The following BTLA variants were observed in gnomAD, a reference collection of about 807,000 sequenced individuals.
BTLA encodes B and T lymphocyte associated.
A neutral mutation model predicts 25.0 loss-of-function variants in BTLA; 11 were observed. The ratio of observed to expected loss-of-function variants is 0.44; its 90% CI spans 0.28 to 0.73. BTLA has a LOEUF of 0.73. Ranked by LOEUF, BTLA falls within the 30% of genes least tolerant of loss-of-function variation. The pLI is 0.15. For synonymous variants in BTLA, 104 were observed against 119.8 expected (o/e 0.87, Z 0.86); for missense variants, 282 against 332.8 (o/e 0.85, Z 1.19).
intron 1 of BTLA, among the ~76,000 whole-genome samples, chr3:112,481,464 C>T (rs1462243540): frequency 6.6e-6 from 1 of 152,216 alleles, no homozygotes; most frequent in Non-Finnish European, 1.5e-5. Flanking sequence ...TCACTTGAGC[C>T]ATGGCTGGAG....
chr3:112,483,476 C>T (rs1299249222), intron 1 of BTLA, among the ~76,000 whole-genome samples: 1 of 151,834 alleles, frequency 6.6e-6, no homozygotes, highest in Non-Finnish European at 1.5e-5. Context: ...AGACACTTTT[C>T]TAGAATCAAT....
chr3:112,465,302 T>C lies in BTLA; in HGVS notation c.*806A>G, dbSNP rs1449655283. On this transcript the variant is annotated 3_prime_UTR_variant, in exon 5 of 5. Coordinates refer to ENST00000334529, the MANE Select transcript of BTLA (RefSeq NM_181780.4). Reference sequence around the variant, plus strand: ...TTCACTTGCCCAGTGATACCTATTCTGACTAACTTTTAAACTATTCAGATG... The same window carrying C: ...TTCACTTGCCCAGTGATACCTATTCCGACTAACTTTTAAACTATTCAGATG... 1 of 152,666 alleles carries C rather than the reference T, an allele frequency of 6.6e-6. No individual in the cohort carries two copies. Among genetic ancestry groups the C allele is most frequent in the Admixed American group, 6.5e-5 (1 of 15,286 alleles). The allele number at this position is 152,666 out of a possible 1,614,324, so 9.5% of individuals were successfully genotyped here.
chr3:112,488,655 C>G (rs2082362848), intron 1 of BTLA, among the ~76,000 whole-genome samples: 1 of 152,110 alleles, frequency 6.6e-6, no homozygotes, highest in Non-Finnish European at 1.5e-5. Context: ...GCTCTGTCAC[C>G]CAGGCTGGAG....
At chr3:112,479,389 T>C (rs1261313124) in intron 2 of BTLA, 66 bp downstream of exon 2, 2 of 1,454,960 alleles carry the variant, frequency 1.4e-6, no homozygotes, top group Non-Finnish European at 1.9e-6. Flanking sequence ...CTTGAGAAAC[T>C]GAACCCCCCT....
intron 2 of BTLA, among the ~76,000 whole-genome samples, chr3:112,473,188 T>A (rs890955848): frequency 4.0e-5 from 6 of 151,858 alleles, no homozygotes; most frequent in Non-Finnish European, 7.4e-5. Context: ...GAGAAAATGA[T>A]GAGGGTGTAC....
At chr3:112,493,324 T>A (rs888882267) in intron 1 of BTLA, among the ~76,000 whole-genome samples, 8 of 152,096 alleles carry the variant, frequency 5.3e-5, no homozygotes, top group African/African-American at 1.9e-4. Flanking sequence ...CTGAAGAACT[T>A]CTGCACAGCA....
intron 2 of BTLA, among the ~76,000 whole-genome samples, chr3:112,472,093 T>C (rs532472137): frequency 1.3e-5 from 2 of 152,252 alleles, no homozygotes; most frequent in South Asian, 4.2e-4. Flanking sequence ...GGAACATGTG[T>C]GGCAATGTCT....
chr3:112,482,869 C>CA (rs1044889070), intron 1 of BTLA, among the ~76,000 whole-genome samples: 1 of 151,932 alleles, frequency 6.6e-6, no homozygotes, highest in African/African-American at 2.4e-5. Context: ...AGACTTAGGA[C>CA]AAAAAAAGTA....
Position 112,466,138 on chromosome 3 carries a change from T to C in BTLA, c.840A>G (p.Thr280=). Residue 280 remains threonine (T), a synonymous_variant, in exon 5 of 5, where the codon ACA becomes ACG. Transcript: ENST00000334529. ...RLARNVKEAP[T]EYASICVRS is the part of the protein sequence containing the mutation. ...TCCTCACACATATGGATGCATATTCTGTTGGTGCTTCTTTTACATTTCTTG... is the reference window on the plus strand; with the variant it reads ...TCCTCACACATATGGATGCATATTCCGTTGGTGCTTCTTTTACATTTCTTG... 6 of 1,607,950 alleles carry C rather than the reference T, an allele frequency of 3.7e-6. No individual in the cohort carries two copies. Among genetic ancestry groups the C allele is most frequent in the Non-Finnish European group, 5.1e-6 (6 of 1,175,146 alleles).
intron 1 of BTLA, among the ~76,000 whole-genome samples, chr3:112,487,174 A>C (rs904035670): frequency 1.3e-5 from 2 of 152,270 alleles, no homozygotes; most frequent in African/African-American, 4.8e-5. Context: ...TGAAGTTTAC[A>C]TATATATCAT....
intron 1 of BTLA, among the ~76,000 whole-genome samples, chr3:112,484,975 G>A (rs2107327510): frequency 6.6e-6 from 1 of 152,286 alleles, no homozygotes; most frequent in South Asian, 2.1e-4. Flanking sequence ...CTATCTCTCA[G>A]AGGCTAACAC....
chr3:112,494,406 A>G (rs950473429), intron 1 of BTLA, among the ~76,000 whole-genome samples: 2 of 152,220 alleles, frequency 1.3e-5, no homozygotes, highest in Non-Finnish European at 2.9e-5. Context: ...GTTACTGGGT[A>G]TATACTCAAA....
At chr3:112,477,878 A>C (rs2082297151) in intron 2 of BTLA, among the ~76,000 whole-genome samples, 1 of 152,036 alleles carries the variant, frequency 6.6e-6, no homozygotes, top group Non-Finnish European at 1.5e-5. Context: ...TATTGAGACT[A>C]TTCTTTCCCC....
intron 1 of BTLA, among the ~76,000 whole-genome samples, chr3:112,493,209 G>A (rs7612986): frequency 0.04 from 6,068 of 152,234 alleles, 316 homozygotes; most frequent in African/African-American, 0.13. Context: ...TGATTCTCAA[G>A]CACTATTAGC....
chr3:112,466,900 C>G (rs1299103756), intron 4 of BTLA, among the ~76,000 whole-genome samples: 1 of 151,528 alleles, frequency 6.6e-6, no homozygotes, highest in Non-Finnish European at 1.5e-5. Flanking sequence ...AAAGATAAAG[C>G]TTAGAAAAAG....
intron 1 of BTLA, among the ~76,000 whole-genome samples, chr3:112,482,771 A>T (rs1347784810): frequency 6.6e-6 from 1 of 152,190 alleles, no homozygotes; most frequent in East Asian, 1.9e-4. Flanking sequence ...AACCAAACTG[A>T]AAGGTAAGTT....
upstream of BTLA, chr3:112,499,573 C>T: frequency 2.0e-6 from 1 of 496,160 alleles, no homozygotes; most frequent in South Asian, 3.7e-5. Flanking sequence ...ATGTGGTACT[C>T]TGTTCTGTGG....
intron 1 of BTLA, among the ~76,000 whole-genome samples, chr3:112,480,368 C>G (rs1299978427): frequency 6.6e-6 from 1 of 152,226 alleles, no homozygotes; most frequent in Non-Finnish European, 1.5e-5. Flanking sequence ...GTTGCTCACA[C>G]AAAGCCTGTT....
intron 2 of BTLA, among the ~76,000 whole-genome samples, chr3:112,477,696 C>T (rs187948027): frequency 6.6e-6 from 1 of 152,134 alleles, no homozygotes; most frequent in Admixed American, 6.5e-5. Context: ...ACATTTATCC[C>T]TATGTTTTCT....
Sources: gnomAD v4.1 joint callset for allele counts (sites outside exome capture counted in the v4.1 genomes callset) on GRCh38, gnomAD v4.1.1 for gene constraint, MANE v1.5 for transcripts, NCBI Gene and HGNC (gene_info 2026-07-23, HGNC 2026-07-21) for gene names.